UBTD1: variants seen among roughly 807,000 people sequenced by gnomAD.
UBTD1 encodes the protein ubiquitin domain-containing protein 1.
A neutral mutation model predicts 21.7 loss-of-function variants in UBTD1; 19 were observed. The observed-to-expected ratio is 0.87, with a 90% CI of 0.61 to 1.28. UBTD1 has a LOEUF of 1.28. Among genes scored for constraint, UBTD1 ranks in the 50% most tolerant of loss-of-function variants. UBTD1 has a pLI of 0.00. For synonymous variants in UBTD1, 116 were observed against 135.1 expected (o/e 0.86, Z 0.98); for missense variants, 282 against 315.1 (o/e 0.89, Z 0.80).
chr10:97,517,694 A>G (rs555247074), intron 1 of UBTD1, among the ~76,000 whole-genome samples: 2 of 151,956 alleles, frequency 1.3e-5, no homozygotes, highest in East Asian at 3.9e-4. Flanking sequence ...CTCCACTACA[A>G]CCCATCTCCT....
At chr10:97,564,087 C>T (rs1383493152) in intron 1 of UBTD1, among the ~76,000 whole-genome samples, 3 of 152,014 alleles carry the variant, frequency 2.0e-5, no homozygotes, top group Admixed American at 6.5e-5. Context: ...TCCGGTCCAT[C>T]GAGGTTGTAG....
intron 1 of UBTD1, among the ~76,000 whole-genome samples, chr10:97,556,114 G>C (rs1429151204): frequency 6.6e-6 from 1 of 152,100 alleles, no homozygotes; most frequent in African/African-American, 2.4e-5. Flanking sequence ...GAGAAATACA[G>C]GTATCAGACA....
At chr10:97,568,594 G>C (rs1392978776) in intron 2 of UBTD1, among the ~76,000 whole-genome samples, 2 of 150,268 alleles carry the variant, frequency 1.3e-5, no homozygotes, top group Non-Finnish European at 3.0e-5. Flanking sequence ...GCTAATTTTC[G>C]TATTTTTAGT....
chr10:97,499,848 T>A (rs985665393), intron 1 of UBTD1, among the ~76,000 whole-genome samples: 1 of 152,078 alleles, frequency 6.6e-6, no homozygotes, highest in African/African-American at 2.4e-5. Flanking sequence ...AAAGATGGGG[T>A]GCGGGGTGAG....
At chr10:97,553,969 G>A (rs972681998) in intron 1 of UBTD1, among the ~76,000 whole-genome samples, 1 of 152,188 alleles carries the variant, frequency 6.6e-6, no homozygotes, top group African/African-American at 2.4e-5. Context: ...GTTGTGTAGC[G>A]GGGAGGGGAC....
At chr10:97,503,438 G>A (rs1487910377) in intron 1 of UBTD1, among the ~76,000 whole-genome samples, 6 of 152,230 alleles carry the variant, frequency 3.9e-5, no homozygotes, top group Non-Finnish European at 5.9e-5. Flanking sequence ...GGGAGAGGTA[G>A]AGGTGGTAGA....
At chr10:97,551,472 TC>T (rs1226938776) in intron 1 of UBTD1, among the ~76,000 whole-genome samples, 1 of 152,198 alleles carries the variant, frequency 6.6e-6, no homozygotes, top group Non-Finnish European at 1.5e-5. Flanking sequence ...CTCTGCTGCC[TC>T]CCCGTGCAGG....
At chr10:97,525,204 G>C (rs2135665804) in intron 1 of UBTD1, among the ~76,000 whole-genome samples, 1 of 152,324 alleles carries the variant, frequency 6.6e-6, no homozygotes, top group East Asian at 1.9e-4. Context: ...GGCAATTTCT[G>C]CCTTTTAGCA....
chr10:97,530,607 G>C (rs1414362614), intron 1 of UBTD1, among the ~76,000 whole-genome samples: 1 of 152,150 alleles, frequency 6.6e-6, no homozygotes, highest in Non-Finnish European at 1.5e-5. Flanking sequence ...ACCTAGGGAA[G>C]AGGGGGCACA....
intron 1 of UBTD1, among the ~76,000 whole-genome samples, chr10:97,565,874 G>T (rs1049285609): frequency 6.6e-6 from 1 of 151,668 alleles, no homozygotes; most frequent in African/African-American, 2.4e-5. Context: ...CACCATGCCC[G>T]ACTAATTTTT....
chr10:97,513,009 G>T (rs1023639516), intron 1 of UBTD1, among the ~76,000 whole-genome samples: 1 of 152,200 alleles, frequency 6.6e-6, no homozygotes, highest in Non-Finnish European at 1.5e-5. Context: ...TGTGAGGTTG[G>T]CAGGCTTGCA....
chr10:97,551,048 A>G (rs1239733348), intron 1 of UBTD1, among the ~76,000 whole-genome samples: 1 of 152,222 alleles, frequency 6.6e-6, no homozygotes, highest in African/African-American at 2.4e-5. Context: ...TGCTGTGTTT[A>G]CAAATAGGTT....
chr10:97,570,722 C>A lies in UBTD1; in HGVS notation c.*199C>A. Reference sequence around the variant, plus strand: ...CAGGGAGCAGGCAGCCACACACGGGCCTTGCAACCTTGTCAGAGAAAAGGC... The same window carrying A: ...CAGGGAGCAGGCAGCCACACACGGGACTTGCAACCTTGTCAGAGAAAAGGC... On this transcript the variant is annotated 3_prime_UTR_variant, in exon 3 of 3. Transcript: ENST00000370664. This position sits in a 1 kb window ranked among gnomAD's most constrained non-coding sequence, Gnocchi z 6.6. The A allele has an allele frequency of 1.6e-6, 1 of 622,586 alleles. No homozygotes were observed. Among genetic ancestry groups the A allele is most frequent in the Non-Finnish European group, 2.7e-6 (1 of 369,340 alleles). 38.6% of individuals were successfully genotyped at this position (622,586 alleles called of 1,614,324 possible).
At position 97,570,112 on chromosome 10, in the gene UBTD1, C is replaced by A; in HGVS notation, c.299-26C>A. 6.3e-7 allele frequency: 1 copy of A among 1,578,480 alleles called. No homozygotes were observed. Among genetic ancestry groups the A allele is most frequent in the South Asian group, 1.1e-5 (1 of 87,872 alleles). ...CCATGATAGTGGATCCCCAAGCTGA[C>A]TCTGACAGCCCTGCCTCTCCTACAG... On this transcript the variant is annotated intron_variant, in intron 2 of 2. Coordinates refer to ENST00000370664, the MANE Select transcript of UBTD1 (RefSeq NM_024954.5). This position sits in a 1 kb window ranked among gnomAD's most constrained non-coding sequence, Gnocchi z 6.6.
At chr10:97,543,092 C>T (rs998600066) in intron 1 of UBTD1, among the ~76,000 whole-genome samples, 1 of 152,248 alleles carries the variant, frequency 6.6e-6, no homozygotes, top group African/African-American at 2.4e-5. Context: ...CCTGCCCTCC[C>T]AGAGGTGACA....
chr10:97,519,571 A>T (rs1291915660), intron 1 of UBTD1, among the ~76,000 whole-genome samples: 1 of 152,166 alleles, frequency 6.6e-6, no homozygotes, highest in Non-Finnish European at 1.5e-5. Context: ...GGGGAGAGAG[A>T]GGGAGAATGA....
chr10:97,533,835 A>C (rs1177312822), intron 1 of UBTD1, among the ~76,000 whole-genome samples: 3 of 151,830 alleles, frequency 2.0e-5, no homozygotes, highest in Admixed American at 2.0e-4. Context: ...AGGCAGGGGA[A>C]TCACTTGAAC....
chr10:97,508,384 A>G (rs955038954), intron 1 of UBTD1, among the ~76,000 whole-genome samples: 1 of 152,174 alleles, frequency 6.6e-6, no homozygotes, highest in East Asian at 1.9e-4. Context: ...CCCTTCACAA[A>G]CATCATCTCA....
At chr10:97,550,051 CAA>C (rs968333537) in intron 1 of UBTD1, among the ~76,000 whole-genome samples, 7 of 152,152 alleles carry the variant, frequency 4.6e-5, no homozygotes, top group Admixed American at 1.3e-4. Context: ...AGGAGAGAAA[CAA>C]GAGATTCGAG....
Sources: allele counts gnomAD v4.1 joint callset (sites outside exome capture counted in the v4.1 genomes callset), GRCh38; gene constraint gnomAD v4.1.1; non-coding constraint Gnocchi (gnomAD v3.1); transcripts MANE v1.5; gene names NCBI Gene and HGNC (gene_info 2026-07-23, HGNC 2026-07-21).